The following MYH15 variants were observed in gnomAD, a reference collection of about 807,000 sequenced individuals.
The protein encoded by MYH15 is myosin-15.
Under a neutral mutation model 240.5 loss-of-function variants are expected in MYH15, and 227 were observed. The observed-to-expected ratio is 0.94, with a 90% CI of 0.85 to 1.05. MYH15 has a LOEUF of 1.05. MYH15 is among the 50% of genes least tolerant of loss of function. The probability of loss-of-function intolerance (pLI) is 0.00; values close to 1 mark genes in which losing one functional copy is unlikely to be tolerated. For synonymous variants in MYH15, 785 were observed against 796.7 expected, an observed-to-expected ratio of 0.99 and a Z score of 0.25; for missense variants, 2,217 against 2,247.5, an observed-to-expected ratio of 0.99 and a Z score of 0.27.
chr3:108,407,300 C>T (rs550569815), intron 32 of MYH15, among the ~76,000 whole-genome samples: 1 of 152,230 alleles, frequency 6.6e-6, no homozygotes, highest in Admixed American at 6.5e-5. Flanking sequence ...TCCAAGAGAC[C>T]CCTGCCTAAC....
intron 9 of MYH15, among the ~76,000 whole-genome samples, chr3:108,492,227 C>CACAG (rs397976942): frequency 7.2e-6 from 1 of 138,930 alleles, no homozygotes; most frequent in African/African-American, 2.6e-5. Context: ...CACACACACA[C>CACAG]TCACTCACCT....
intron 1 of MYH15, among the ~76,000 whole-genome samples, chr3:108,524,311 T>C (rs2083648896): frequency 6.6e-6 from 1 of 152,054 alleles, no homozygotes; most frequent in Non-Finnish European, 1.5e-5. Flanking sequence ...TTTGAACATC[T>C]TTTCGAATAC....
chr3:108,404,208 C>A (rs1017133713), intron 33 of MYH15, among the ~76,000 whole-genome samples: 1 of 152,016 alleles, frequency 6.6e-6, no homozygotes, highest in African/African-American at 2.4e-5. Flanking sequence ...ACATAGAAGG[C>A]CAAATTTGGC....
chr3:108,523,775 A>G (rs1342109284), intron 1 of MYH15, among the ~76,000 whole-genome samples: 1 of 151,994 alleles, frequency 6.6e-6, no homozygotes, highest in African/African-American at 2.4e-5. Flanking sequence ...GACATATCAC[A>G]TATTGTTGTA....
rs1244827853 is a variant in MYH15 at position 108,501,834 on chromosome 3, T to C, written c.217A>G (p.Lys73Glu). Residue 73 changes from lysine to glutamate, a missense_variant, in exon 3 of 41, where the codon AAA becomes GAA. Lys to Glu is a moderately conservative substitution (Grantham distance 56). Transcript: ENST00000693548. ...DGESLSIKED[K>E]IQQMNPPEFE... ...TCTGGAGGATTCATCTGCTGGATTT[T>C]GTCCTCCTTTATGCTCAGACTCTGC... The C allele has an allele frequency of 5.0e-6, 8 of 1,614,108 alleles. No individual in the cohort carries two copies. The South Asian group carries it at 8.8e-5, about 18-fold the overall frequency.
intron 30 of MYH15, among the ~76,000 whole-genome samples, chr3:108,413,981 A>G (rs963954884): frequency 1.3e-5 from 2 of 152,206 alleles, no homozygotes; most frequent in Non-Finnish European, 2.9e-5. Context: ...GCCCCTAGAA[A>G]GAGCCTCCTT....
At chr3:108,541,917 G>A in the MYH15 span, among the ~76,000 whole-genome samples, 1 of 151,988 alleles carries the variant, frequency 6.6e-6, no homozygotes, top group African/African-American at 2.4e-5. Context: ...CATTTCTGTA[G>A]CCCACCAATA....
chr3:108,514,460 T>C (rs1051826974), upstream of MYH15, among the ~76,000 whole-genome samples: 3 of 152,214 alleles, frequency 2.0e-5, no homozygotes, highest in African/African-American at 4.8e-5. Context: ...ATTCATGCAA[T>C]ATATATGTAT....
chr3:108,550,339 T>C, the MYH15 span: 1 of 151,586 alleles, frequency 6.6e-6, no homozygotes, highest in Non-Finnish European at 1.5e-5. Context: ...TTTCTGAATA[T>C]GCAGCAAGAG....
At chr3:108,434,021 A>C (rs1402222802) in intron 25 of MYH15, among the ~76,000 whole-genome samples, 1 of 152,094 alleles carries the variant, frequency 6.6e-6, no homozygotes, top group African/African-American at 2.4e-5. Flanking sequence ...AGAATATCAC[A>C]TACATTTGCA....
At chr3:108,439,577 T>C (rs1321247702) in intron 24 of MYH15, among the ~76,000 whole-genome samples, 160 bp downstream of exon 24, 1 of 152,228 alleles carries the variant, frequency 6.6e-6, no homozygotes, top group East Asian at 1.9e-4. Context: ...TATCGTGGTT[T>C]TGTGTATAAG....
chr3:108,399,251 T>C lies in MYH15; in HGVS notation c.4753A>G (p.Thr1585Ala). ...IENFRRKQQCTIDSLQSSLDS... is the reference protein window; with the variant it reads ...IENFRRKQQCAIDSLQSSLDS... ...AGACTAGACTGCAGGGAGTCAATGG[T>C]ACACTGCTGCTTCCTCCTAATTTGA... Residue 1585 changes from threonine (T) to alanine (A), a missense_variant, in exon 34 of 41, where the codon ACC (threonine) becomes GCC (alanine). Thr to Ala is a moderately conservative substitution (Grantham distance 58). Transcript: ENST00000693548. The C allele has an allele frequency of 6.2e-7, 1 of 1,612,744 alleles. No individual in the cohort carries two copies.
intron 33 of MYH15, among the ~76,000 whole-genome samples, chr3:108,400,606 C>T (rs1035312277): frequency 2.0e-5 from 3 of 152,090 alleles, no homozygotes; most frequent in African/African-American, 4.8e-5. Context: ...GTGGGCAGAT[C>T]GAGACCAGCC....
At chr3:108,445,007 A>G (rs115364381) in intron 21 of MYH15, 112 bp from the exon 22 acceptor site, 1 of 1,243,254 alleles carries the variant, frequency 8.0e-7, no homozygotes, top group African/African-American at 1.5e-5. Context: ...AAAAATTCTT[A>G]TTAGTCTTCA....
intron 32 of MYH15, among the ~76,000 whole-genome samples, chr3:108,406,536 G>A (rs564318855): frequency 2.0e-5 from 3 of 152,262 alleles, no homozygotes; most frequent in African/African-American, 7.2e-5. Context: ...TCCTTCAAGA[G>A]GAAACTGTCA....
intron 11 of MYH15, among the ~76,000 whole-genome samples, chr3:108,479,101 G>T (rs2083244258): frequency 1.3e-5 from 2 of 152,198 alleles, no homozygotes; most frequent in Admixed American, 1.3e-4. Flanking sequence ...TTTACAGTTT[G>T]CAACCAAGAT....
chr3:108,533,118 C>CTTTTTTTT (rs10561890), upstream of MYH15, among the ~76,000 whole-genome samples: 8 of 97,670 alleles, frequency 8.2e-5, no homozygotes, highest in East Asian at 3.4e-4. Context: ...ACAATAAAAG[C>CTTTTTTTT]TTTTTTTTTT....
At chr3:108,412,779 C>T (rs1429379176) in intron 30 of MYH15, among the ~76,000 whole-genome samples, 1 of 152,146 alleles carries the variant, frequency 6.6e-6, no homozygotes, top group East Asian at 1.9e-4. Context: ...GCTAAACTAA[C>T]TCATCATTTG....
At chr3:108,462,956 C>T (rs1439172378) in intron 16 of MYH15, among the ~76,000 whole-genome samples, 155 bp downstream of exon 16, 1 of 152,074 alleles carries the variant, frequency 6.6e-6, no homozygotes, top group African/African-American at 2.4e-5. Flanking sequence ...TGAAGAACCC[C>T]CAGCCTGAAG....
Sources: allele counts gnomAD v4.1 joint callset (sites outside exome capture counted in the v4.1 genomes callset), GRCh38; gene constraint gnomAD v4.1.1; transcripts MANE v1.5; gene names NCBI Gene and HGNC (gene_info 2026-07-23, HGNC 2026-07-21).